Variants in TRPS1 observed in about 807,000 individuals in gnomAD.
TRPS1 encodes the protein zinc finger transcription factor Trps1.
TRPS1 carries 6 observed loss-of-function variants against 101.2 expected under a neutral mutation model. The observed-to-expected ratio is 0.06, with a 90% CI of 0.03 to 0.12. The LOEUF (loss-of-function observed/expected upper bound fraction) is 0.12. TRPS1 is among the 10% of genes least tolerant of loss of function. The probability of loss-of-function intolerance (pLI) is 1.00; values close to 1 mark genes in which losing one functional copy is unlikely to be tolerated. For synonymous variants in TRPS1, 578 were observed against 589.8 expected (o/e 0.98, Z 0.29); for missense variants, 1,363 against 1,567.0 (o/e 0.87, Z 2.20).
chr8:115,538,862 T>C (rs552052788), intron 5 of TRPS1, among the ~76,000 whole-genome samples: 1 of 152,322 alleles, frequency 6.6e-6, no homozygotes, highest in Non-Finnish European at 1.5e-5. Context: ...TATAGATCTA[T>C]AGTTTGAACT....
At chr8:115,594,811 G>A (rs1202427192) in intron 4 of TRPS1, among the ~76,000 whole-genome samples, 1 of 151,714 alleles carries the variant, frequency 6.6e-6, no homozygotes, top group Non-Finnish European at 1.5e-5. Context: ...TCAGCTAAAA[G>A]ATGCTACTCC....
intron 1 of TRPS1, among the ~76,000 whole-genome samples, chr8:115,647,172 ATG>A (rs1163746755): frequency 6.6e-6 from 1 of 152,178 alleles, no homozygotes; most frequent in Non-Finnish European, 1.5e-5. Flanking sequence ...TACAAATTAT[ATG>A]AATCAATATA....
At chr8:115,658,606 T>C (rs1378260775) in intron 1 of TRPS1, among the ~76,000 whole-genome samples, 3 of 152,122 alleles carry the variant, frequency 2.0e-5, no homozygotes, top group Non-Finnish European at 2.9e-5. Context: ...ATTTTTAAAG[T>C]GTTAGTATTG....
chr8:115,604,905 T>A lies in TRPS1; in HGVS notation c.1064A>T (p.Tyr355Phe). 6.2e-7 allele frequency: 1 copy of A among 1,614,064 alleles called. No individual in the cohort carries two copies. Among genetic ancestry groups the A allele is most frequent in the Non-Finnish European group, 8.5e-7 (1 of 1,179,960 alleles). The change falls in exon 4 of 7, where the codon TAT (tyrosine) becomes TTT (phenylalanine). Residue 355 changes from tyrosine to phenylalanine, a missense_variant. By Grantham distance (22) the Tyr-to-Phe change is conservative. Coordinates refer to ENST00000395715, the MANE Select transcript of TRPS1 (RefSeq NM_014112.5). The surrounding 1 kb of genome is among the most constrained non-coding windows in gnomAD (Gnocchi z 4.1). Reference protein sequence around the residue: ...YFRCKFCNFTYMGNSSTELEQ... With the variant: ...YFRCKFCNFTFMGNSSTELEQ... ...TAATTCGGTGGATGAGTTGCCCATA[T>A]AAGTGAAATTGCAGAATTTACAGCG... is the stretch of plus-strand genomic sequence containing the variant.
At chr8:115,605,906 T>C (rs1818026923) in intron 3 of TRPS1, among the ~76,000 whole-genome samples, 2 of 152,192 alleles carry the variant, frequency 1.3e-5, no homozygotes, top group Non-Finnish European at 2.9e-5. Flanking sequence ...ATTCTCAGTG[T>C]GCACCTCAAT....
At position 115,413,361 on chromosome 8, in the gene TRPS1, G is replaced by A. The variant is rs554457209; in HGVS notation, c.*662C>T. The A allele has an allele frequency of 6.5e-6, 1 of 152,672 alleles. No homozygotes were observed. The highest frequency in any genetic ancestry group is 6.5e-5 in the Admixed American group (1 of 15,270). The allele number at this position is 152,672 out of a possible 1,614,324, so 9.5% of individuals were successfully genotyped here. A position where few individuals can be genotyped will look rare whatever the true frequency, so the allele number is the denominator to read the frequency against. On this transcript the variant is annotated 3_prime_UTR_variant, in exon 7 of 7. Transcript: ENST00000395715. ...TCTAAAGGACAAAAATATCAGAGAG[G>A]GTGTGCATGTGTATGTACAGGCAGG...
intron 5 of TRPS1, among the ~76,000 whole-genome samples, chr8:115,571,181 A>G (rs1817194660): frequency 6.6e-6 from 1 of 152,208 alleles, no homozygotes; most frequent in African/African-American, 2.4e-5. Context: ...AAAACTTAAA[A>G]GGTTTGTTTA....
At chr8:115,602,271 T>G (rs1042325959) in intron 4 of TRPS1, among the ~76,000 whole-genome samples, 4 of 152,160 alleles carry the variant, frequency 2.6e-5, no homozygotes, top group African/African-American at 9.7e-5. Flanking sequence ...GTCCTTGTCC[T>G]TTTCAAAAAA....
At chr8:115,652,982 C>T (rs1431380728) in intron 1 of TRPS1, among the ~76,000 whole-genome samples, 2 of 152,142 alleles carry the variant, frequency 1.3e-5, no homozygotes, top group Non-Finnish European at 2.9e-5. Flanking sequence ...CATTAAAATA[C>T]AGCAACTCAT....
chr8:115,573,886 C>T (rs1817261185), intron 5 of TRPS1, among the ~76,000 whole-genome samples: 2 of 152,148 alleles, frequency 1.3e-5, no homozygotes, highest in Non-Finnish European at 2.9e-5. Flanking sequence ...GTCATATTCA[C>T]CTGCTAAAAG....
intron 5 of TRPS1, among the ~76,000 whole-genome samples, chr8:115,432,392 A>T (rs1813342898): frequency 6.6e-6 from 1 of 151,872 alleles, no homozygotes; most frequent in Non-Finnish European, 1.5e-5. Context: ...TTTTATCTAT[A>T]ATTTTATTTA....
chr8:115,494,664 T>C (rs1815106446), intron 5 of TRPS1, among the ~76,000 whole-genome samples: 1 of 152,192 alleles, frequency 6.6e-6, no homozygotes, highest in African/African-American at 2.4e-5. Flanking sequence ...TTCTCTCTCA[T>C]GGAATAATAG....
chr8:115,571,639 C>T (rs1817206282), intron 5 of TRPS1, among the ~76,000 whole-genome samples: 1 of 152,118 alleles, frequency 6.6e-6, no homozygotes, highest in Admixed American at 6.6e-5. Context: ...TGATATATCA[C>T]AGGCAAGCAT....
chr8:115,431,864 G>T (rs1424637992), intron 5 of TRPS1, among the ~76,000 whole-genome samples: 1 of 151,798 alleles, frequency 6.6e-6, no homozygotes, highest in East Asian at 1.9e-4. Context: ...GGTGGTAGCT[G>T]CACATTTATA....
intron 5 of TRPS1, among the ~76,000 whole-genome samples, chr8:115,512,395 T>G (rs1294152640): frequency 1.3e-5 from 2 of 151,672 alleles, no homozygotes; most frequent in Non-Finnish European, 3.0e-5. Context: ...TGGACATAAA[T>G]GAACATAATT....
intron 5 of TRPS1, among the ~76,000 whole-genome samples, chr8:115,442,583 G>A (rs984150481): frequency 6.6e-6 from 1 of 151,448 alleles, no homozygotes; most frequent in African/African-American, 2.4e-5. Flanking sequence ...GTGTGTGTAT[G>A]TGTGTGTGCA....
At chr8:115,653,111 A>T (rs1811599076) in intron 1 of TRPS1, among the ~76,000 whole-genome samples, 1 of 152,202 alleles carries the variant, frequency 6.6e-6, no homozygotes, top group African/African-American at 2.4e-5. Flanking sequence ...CAATGCCAAG[A>T]GTACATGGAA....
At chr8:115,444,528 G>C (rs1813683853) in intron 5 of TRPS1, among the ~76,000 whole-genome samples, 1 of 152,052 alleles carries the variant, frequency 6.6e-6, no homozygotes. Context: ...CATTTTATTG[G>C]TAGTTCTAAC....
intron 3 of TRPS1, among the ~76,000 whole-genome samples, chr8:115,605,513 T>A (rs2130495903): frequency 6.6e-6 from 1 of 152,254 alleles, no homozygotes; most frequent in Non-Finnish European, 1.5e-5. Flanking sequence ...GAGGTCTCTG[T>A]TTTAGGTAAA....
Sources: allele counts gnomAD v4.1 joint callset (sites outside exome capture counted in the v4.1 genomes callset), GRCh38; gene constraint gnomAD v4.1.1; non-coding constraint Gnocchi (gnomAD v3.1); transcripts MANE v1.5; gene names NCBI Gene and HGNC (gene_info 2026-07-23, HGNC 2026-07-21).